The following KLKB1 variants were observed in gnomAD, a reference collection of about 807,000 sequenced individuals.
KLKB1 encodes kallikrein B1.
Under a neutral mutation model 73.6 loss-of-function variants are expected in KLKB1, and 58 were observed. The ratio of observed to expected loss-of-function variants is 0.79; its 90% CI spans 0.64 to 0.98. The LOEUF is 0.98. Among genes scored for constraint, KLKB1 ranks in the 50% least tolerant of loss-of-function variants. KLKB1 has a pLI of 0.00. For missense variants in KLKB1, 737 were observed against 763.8 expected, an observed-to-expected ratio of 0.96 and a Z score of 0.41; for synonymous variants, 280 against 258.1, an observed-to-expected ratio of 1.08 and a Z score of -0.81.
chr4:186,237,282 A>C (rs1293227829), intron 5 of KLKB1, among the ~76,000 whole-genome samples: 1 of 152,022 alleles, frequency 6.6e-6, no homozygotes, highest in African/African-American at 2.4e-5. Context: ...TATTTTTAGT[A>C]GAGTCGGGGT....
chr4:186,257,211 A>G lies in KLKB1; in HGVS notation c.1586-15A>G. Reference sequence around the variant, plus strand: ...TATTAACTTCCCTCTGAGGTTATATATTGGTTACTCACAGGTGAAATCCAA... The same window carrying G: ...TATTAACTTCCCTCTGAGGTTATATGTTGGTTACTCACAGGTGAAATCCAA... On this transcript the variant is annotated splice_polypyrimidine_tract_variant and intron_variant, in intron 13 of 14. Transcript: ENST00000264690. 1 of 1,491,866 alleles carries G rather than the reference A, an allele frequency of 6.7e-7. No individual in the cohort carries two copies. The highest frequency in any genetic ancestry group is 9.2e-7 in the Non-Finnish European group (1 of 1,081,388). The allele number at this position is 1,491,866 out of a possible 1,614,324, so 92.4% of individuals were successfully genotyped here.
At chr4:186,247,829 C>G (rs1196624347) in intron 6 of KLKB1, among the ~76,000 whole-genome samples, 1 of 152,126 alleles carries the variant, frequency 6.6e-6, no homozygotes, top group Non-Finnish European at 1.5e-5. Flanking sequence ...TTTTTGATAT[C>G]TAATTTAGAT....
chr4:186,211,262 A>G (rs746469599), intron 2 of KLKB1: 1 of 152,366 alleles, frequency 6.6e-6, no homozygotes, highest in African/African-American at 2.4e-5. Flanking sequence ...CCACAGTCCA[A>G]TTCCACTTCA....
intron 2 of KLKB1, among the ~76,000 whole-genome samples, chr4:186,216,926 T>G (rs1429609470): frequency 6.6e-6 from 1 of 152,202 alleles, no homozygotes; most frequent in African/African-American, 2.4e-5. Context: ...AAGCCAAGTG[T>G]TTAGTAATCT....
At chr4:186,219,537 G>A (rs1736986571) in intron 2 of KLKB1, among the ~76,000 whole-genome samples, 1 of 152,178 alleles carries the variant, frequency 6.6e-6, no homozygotes, top group Non-Finnish European at 1.5e-5. Context: ...ATAAAATGAA[G>A]ATATTTTCTT....
At position 186,237,072 on chromosome 4, in the gene KLKB1, T is replaced by G; in HGVS notation, c.488+132T>G. On this transcript the variant is annotated intron_variant, in intron 5 of 14. Transcript: ENST00000264690. Reference sequence around the variant, plus strand: ...ATTCTAACCACTTTCCTCATTTACTTACTCTATTTTATTTTTTTATCTTTT... The same window carrying G: ...ATTCTAACCACTTTCCTCATTTACTGACTCTATTTTATTTTTTTATCTTTT... 4 of 729,302 alleles carry G rather than the reference T, an allele frequency of 5.5e-6. No homozygotes were observed. In the Admixed American group the frequency reaches 1.2e-4, roughly 21 times the overall value. 45.2% of individuals were successfully genotyped at this position (729,302 alleles called of 1,614,324 possible).
chr4:186,214,741 C>G (rs1323381968), intron 2 of KLKB1, among the ~76,000 whole-genome samples: 1 of 152,214 alleles, frequency 6.6e-6, no homozygotes, highest in Non-Finnish European at 1.5e-5. Context: ...TGCCACATTT[C>G]AGGGATAAAT....
chr4:186,245,554 A>G (rs2126656932), intron 6 of KLKB1, among the ~76,000 whole-genome samples: 1 of 152,300 alleles, frequency 6.6e-6, no homozygotes, highest in South Asian at 2.1e-4. Context: ...CCCATTGGCC[A>G]GATTTCTGGC....
chr4:186,251,155 A>G (rs973284417), intron 7 of KLKB1, 64 bp from the exon 8 acceptor site: 30 of 1,061,792 alleles, frequency 2.8e-5, no homozygotes, highest in Non-Finnish European at 4.4e-5. Context: ...CTGCTTTTGT[A>G]TTTGCCTAAT....
In KLKB1 at chr4:186,250,276, T is replaced by C. The variant is rs528789425; in HGVS notation, c.632T>C (p.Phe211Ser). 2.5e-6 allele frequency: 4 copies of C among 1,614,176 alleles called. No homozygotes were observed. In the South Asian group the frequency reaches 4.4e-5, roughly 18 times the overall value. Residue 211 changes from phenylalanine to serine, a missense_variant, in exon 7 of 15, where the codon TTC becomes TCC. Coordinates refer to ENST00000264690, the MANE Select transcript of KLKB1 (RefSeq NM_000892.5). ...ATGAACATCTTCCAGCATCTTGCGT[T>C]CTCAGATGTGGATGTTGCCAGGGTT... is the stretch of plus-strand genomic sequence containing the variant. Reference protein sequence around the residue: ...CHMNIFQHLAFSDVDVARVLT... With the variant: ...CHMNIFQHLASSDVDVARVLT...
chr4:186,213,578 C>T (rs1351240795), intron 2 of KLKB1: 2 of 152,206 alleles, frequency 1.3e-5, no homozygotes, highest in African/African-American at 4.8e-5. Context: ...ATCACCAGAA[C>T]ATTTTGCTCA....
At chr4:186,210,889 T>C in intron 2 of KLKB1, 1 of 417,542 alleles carries the variant, frequency 2.4e-6, no homozygotes, top group South Asian at 2.3e-5. Context: ...GCTGGAGGAG[T>C]GCAGTGGTGT....
chr4:186,238,703 G>T (rs1042300307), intron 6 of KLKB1, among the ~76,000 whole-genome samples: 1 of 152,216 alleles, frequency 6.6e-6, no homozygotes, highest in African/African-American at 2.4e-5. Flanking sequence ...TCTAGAAGTT[G>T]AAAAGGGCGA....
At chr4:186,221,838 C>T (rs1737039197), upstream of KLKB1, among the ~76,000 whole-genome samples, 1 of 152,124 alleles carries the variant, frequency 6.6e-6, no homozygotes, top group Non-Finnish European at 1.5e-5. Context: ...CCACAGTTTC[C>T]TTGTTGATTT....
At chr4:186,211,908 C>T (rs1365795234) in intron 2 of KLKB1, 1 of 152,170 alleles carries the variant, frequency 6.6e-6, no homozygotes, top group Non-Finnish European at 1.5e-5. Flanking sequence ...TTTAATTCCT[C>T]ATAGAATCCC....
chr4:186,252,104 A>C lies in KLKB1; in HGVS notation c.1232A>C (p.Lys411Thr), dbSNP rs745625483. The change falls in exon 11 of 15, where the codon AAG becomes ACG. Residue 411 changes from lysine (K) to threonine (T), a missense_variant. Lys to Thr is a moderately conservative substitution (Grantham distance 78). Coordinates refer to ENST00000264690, the MANE Select transcript of KLKB1 (RefSeq NM_000892.5). ...EWPWQVSLQV[K>T]LTAQRHLCGG... Reference sequence around the variant, plus strand: ...CCCTGGCAGGTGAGCCTGCAGGTGAAGCTGACAGCTCAGAGGCACCTGTGT... The same window carrying C: ...CCCTGGCAGGTGAGCCTGCAGGTGACGCTGACAGCTCAGAGGCACCTGTGT... The C allele has an allele frequency of 1.9e-6, 3 of 1,614,066 alleles. No individual in the cohort carries two copies. In the South Asian group the frequency reaches 3.3e-5, roughly 18 times the overall value.
intron 2 of KLKB1, 92 bp downstream of exon 2, chr4:186,228,345 C>A: frequency 1.3e-6 from 1 of 783,816 alleles, no homozygotes; most frequent in Middle Eastern, 2.2e-4. Flanking sequence ...ATTGAACATA[C>A]AGCTTCGGGG....
chr4:186,255,033 GC>G (rs1379314161), intron 12 of KLKB1, among the ~76,000 whole-genome samples: 2 of 152,226 alleles, frequency 1.3e-5, no homozygotes, highest in African/African-American at 4.8e-5. Context: ...AAATGTCTGT[GC>G]CGTCTGAGAG....
intron 4 of KLKB1, among the ~76,000 whole-genome samples, chr4:186,236,095 CAG>C (rs10582034): frequency 0.57 from 80,445 of 140,978 alleles, 22,715 homozygotes; most frequent in East Asian, 0.68. Flanking sequence ...GCCTGGGCGA[CAG>C]AGCGAGACTC....
Sources: allele counts gnomAD v4.1 joint callset (sites outside exome capture counted in the v4.1 genomes callset), GRCh38; gene constraint gnomAD v4.1.1; transcripts MANE v1.5; gene names NCBI Gene and HGNC (gene_info 2026-07-23, HGNC 2026-07-21).